Variants in DLG2 observed in about 807,000 individuals in gnomAD.
The protein encoded by DLG2 is disks large homolog 2.
DLG2 carries 45 observed loss-of-function variants against 132.5 expected under a neutral mutation model. The observed-to-expected ratio is 0.34, with a 90% CI of 0.27 to 0.44. The LOEUF (loss-of-function observed/expected upper bound fraction) is 0.44. Among genes scored for constraint, DLG2 ranks in the 20% least tolerant of loss-of-function variants. The pLI is 1.00. For synonymous variants in DLG2, 424 were observed against 419.6 expected, an observed-to-expected ratio of 1.01 and a Z score of -0.13; for missense variants, 1,045 against 1,196.9, an observed-to-expected ratio of 0.87 and a Z score of 1.87.
intron 7 of DLG2, among the ~76,000 whole-genome samples, chr11:84,291,830 C>A (rs116149132): frequency 6.6e-6 from 1 of 152,144 alleles, no homozygotes; most frequent in African/African-American, 2.4e-5. Context: ...TAAGTTAATA[C>A]GAATAAATTT....
intron 6 of DLG2, among the ~76,000 whole-genome samples, chr11:84,913,043 A>G (rs1036204727): frequency 1.2e-4 from 19 of 152,198 alleles, no homozygotes; most frequent in African/African-American, 4.6e-4. Flanking sequence ...GAGAGGCAGA[A>G]AGAGACAAAG....
chr11:85,011,913 T>C (rs1360806560), intron 6 of DLG2, among the ~76,000 whole-genome samples: 2 of 152,180 alleles, frequency 1.3e-5, no homozygotes, highest in African/African-American at 4.8e-5. Flanking sequence ...ACATTTACTA[T>C]TGAGTATGCT....
chr11:83,812,292 T>A (rs1352442369), intron 17 of DLG2, among the ~76,000 whole-genome samples: 1 of 152,122 alleles, frequency 6.6e-6, no homozygotes, highest in Non-Finnish European at 1.5e-5. Context: ...CCATCCCAAG[T>A]GTTTTATAGA....
intron 3 of DLG2, among the ~76,000 whole-genome samples, chr11:85,436,989 T>A (rs917677540): frequency 6.6e-6 from 1 of 152,222 alleles, no homozygotes; most frequent in African/African-American, 2.4e-5. Flanking sequence ...AATGAGATCA[T>A]GTCCTTTGCA....
chr11:83,920,041 A>G (rs1454771118), intron 15 of DLG2, among the ~76,000 whole-genome samples: 1 of 152,140 alleles, frequency 6.6e-6, no homozygotes, highest in Non-Finnish European at 1.5e-5. Flanking sequence ...AATGCTGTTC[A>G]CCATGCCACA....
chr11:85,075,363 T>C (rs1288598471), intron 6 of DLG2, among the ~76,000 whole-genome samples: 1 of 151,890 alleles, frequency 6.6e-6, no homozygotes, highest in Non-Finnish European at 1.5e-5. Context: ...AGGATGTTCA[T>C]TGCATCATTC....
chr11:83,928,386 T>C (rs1290415138), intron 15 of DLG2, among the ~76,000 whole-genome samples: 1 of 152,134 alleles, frequency 6.6e-6, no homozygotes, highest in East Asian at 1.9e-4. Flanking sequence ...AGAGGTGAAC[T>C]GTTATCAGCT....
At chr11:84,785,288 A>G (rs1364179195) in intron 6 of DLG2, among the ~76,000 whole-genome samples, 1 of 152,056 alleles carries the variant, frequency 6.6e-6, no homozygotes, top group Non-Finnish European at 1.5e-5. Flanking sequence ...TTCTGACAGT[A>G]TAATTTTTTT....
intron 3 of DLG2, among the ~76,000 whole-genome samples, chr11:85,387,593 C>T (rs1418042629): frequency 6.6e-6 from 1 of 152,178 alleles, no homozygotes; most frequent in African/African-American, 2.4e-5. Context: ...AATAATGCAA[C>T]TAATACAGCT....
At chr11:83,599,309 T>A (rs1264136974) in intron 19 of DLG2, among the ~76,000 whole-genome samples, 1 of 152,194 alleles carries the variant, frequency 6.6e-6, no homozygotes, top group Non-Finnish European at 1.5e-5. Flanking sequence ...AGAGTAGGCT[T>A]CTGTCATGCT....
intron 7 of DLG2, among the ~76,000 whole-genome samples, chr11:84,519,534 C>G (rs1230681155): frequency 2.0e-5 from 3 of 152,152 alleles, no homozygotes; most frequent in African/African-American, 4.8e-5. Context: ...AGAATGGAAT[C>G]AGAAGCAGTT....
At chr11:83,885,247 C>A (rs2067483741) in intron 15 of DLG2, among the ~76,000 whole-genome samples, 1 of 152,108 alleles carries the variant, frequency 6.6e-6, no homozygotes, top group Non-Finnish European at 1.5e-5. Flanking sequence ...CAGAGAAGTG[C>A]TTAAAGGAGC....
chr11:85,462,003 T>C (rs566360769), intron 3 of DLG2, among the ~76,000 whole-genome samples: 72 of 152,266 alleles, frequency 4.7e-4, no homozygotes, highest in Admixed American at 3.5e-3. Context: ...TATTAACAGA[T>C]ACTTCTCAAA....
chr11:84,482,090 T>C (rs1197676329), intron 7 of DLG2, among the ~76,000 whole-genome samples: 1 of 152,234 alleles, frequency 6.6e-6, no homozygotes, highest in Non-Finnish European at 1.5e-5. Flanking sequence ...CTCTTTAAGC[T>C]GAGCAACAAA....
chr11:85,042,909 C>A (rs2061997475), intron 6 of DLG2, among the ~76,000 whole-genome samples: 1 of 151,794 alleles, frequency 6.6e-6, no homozygotes, highest in African/African-American at 2.4e-5. Context: ...AGTCTCACTG[C>A]AAAATTATAT....
chr11:84,432,652 C>T (rs1350761216), intron 7 of DLG2, among the ~76,000 whole-genome samples: 2 of 152,094 alleles, frequency 1.3e-5, no homozygotes, highest in Admixed American at 6.5e-5. Flanking sequence ...CTAGTTTATC[C>T]TCCATTTTAG....
At chr11:84,979,435 A>C (rs1050018328) in intron 6 of DLG2, among the ~76,000 whole-genome samples, 4 of 152,214 alleles carry the variant, frequency 2.6e-5, no homozygotes, top group African/African-American at 9.6e-5. Flanking sequence ...AGACTGGATT[A>C]AGAAAATGTG....
intron 9 of DLG2, among the ~76,000 whole-genome samples, chr11:84,129,240 T>G (rs1474265571): frequency 6.6e-6 from 1 of 152,074 alleles, no homozygotes; most frequent in African/African-American, 2.4e-5. Context: ...ATTTACAGAC[T>G]AGATGGCATA....
At chr11:85,284,614 T>C (rs1382451320) in intron 4 of DLG2, among the ~76,000 whole-genome samples, 1 of 151,906 alleles carries the variant, frequency 6.6e-6, no homozygotes, top group Non-Finnish European at 1.5e-5. Context: ...CTTTGGTAAA[T>C]GTTGATTTTT....
Sources: gnomAD v4.1 joint callset for allele counts (sites outside exome capture counted in the v4.1 genomes callset) on GRCh38, gnomAD v4.1.1 for gene constraint, MANE v1.5 for transcripts, NCBI Gene and HGNC (gene_info 2026-07-23, HGNC 2026-07-21) for gene names.